The following SNTG1 variants were observed in gnomAD, a reference collection of about 807,000 sequenced individuals.
The protein encoded by SNTG1 is gamma-1-syntrophin.
SNTG1 carries 39 observed loss-of-function variants against 74.7 expected under a neutral mutation model. The observed-to-expected ratio is 0.52, with a 90% CI of 0.40 to 0.68. The LOEUF (loss-of-function observed/expected upper bound fraction) is 0.68, where lower values mean the gene tolerates loss of function less well. Among genes scored for constraint, SNTG1 ranks in the 30% least tolerant of loss-of-function variants. SNTG1 has a pLI of 0.00. For synonymous variants in SNTG1, 254 were observed against 217.1 expected, an observed-to-expected ratio of 1.17 and a Z score of -1.49; for missense variants, 685 against 609.5, an observed-to-expected ratio of 1.12 and a Z score of -1.30.
At chr8:50,388,827 C>T (rs2092613723) in intron 2 of SNTG1, among the ~76,000 whole-genome samples, 1 of 152,168 alleles carries the variant, frequency 6.6e-6, no homozygotes, top group Non-Finnish European at 1.5e-5. Context: ...AACTTCACAG[C>T]ACCACCTAGA....
At chr8:50,286,913 ACC>A (rs2130505716) in intron 2 of SNTG1, 1 of 152,280 alleles carries the variant, frequency 6.6e-6, no homozygotes, top group Non-Finnish European at 1.5e-5. Flanking sequence ...TGCCTTCATT[ACC>A]AGTCCTGTTG....
intron 13 of SNTG1, among the ~76,000 whole-genome samples, chr8:50,609,283 G>T (rs1478227714): frequency 6.6e-6 from 1 of 151,934 alleles, no homozygotes; most frequent in East Asian, 1.9e-4. Flanking sequence ...GTATTTTGTT[G>T]TTGCTTCTGA....
intron 1 of SNTG1, among the ~76,000 whole-genome samples, chr8:50,128,570 TC>T (rs2081217655): frequency 6.6e-6 from 1 of 152,122 alleles, no homozygotes; most frequent in South Asian, 2.1e-4. Flanking sequence ...TCCCAATACT[TC>T]ATCCTAGGTT....
chr8:50,624,521 G>T (rs1021971840), intron 13 of SNTG1, among the ~76,000 whole-genome samples: 2 of 152,024 alleles, frequency 1.3e-5, no homozygotes, highest in African/African-American at 4.8e-5. Flanking sequence ...AAATTCTCGA[G>T]AGAATGAAGC....
At chr8:50,655,299 G>C (rs1052889467) in intron 13 of SNTG1, among the ~76,000 whole-genome samples, 2 of 151,936 alleles carry the variant, frequency 1.3e-5, no homozygotes, top group Non-Finnish European at 2.9e-5. Flanking sequence ...TTTATGGGAT[G>C]GTTATCTATT....
intron 18 of SNTG1, among the ~76,000 whole-genome samples, chr8:50,766,223 T>C (rs2095613518): frequency 6.6e-6 from 1 of 152,004 alleles, no homozygotes; most frequent in Non-Finnish European, 1.5e-5. Context: ...CATTCATTCA[T>C]CAAAGTCAAA....
In SNTG1 at chr8:50,741,248, C is replaced by T. The variant is rs538819874; in HGVS notation, c.1285-10753C>T. 2.7e-3 allele frequency among the ~76,000 whole-genome samples: 404 copies of T among 152,120 alleles called. 1 individual carries two copies. The highest frequency in any genetic ancestry group is 4.4e-3 in the Non-Finnish European group (301 of 67,968). On this transcript the variant is annotated intron_variant, in intron 17 of 18. Coordinates refer to ENST00000642720, the MANE Select transcript of SNTG1 (RefSeq NM_018967.5). The stretch of plus-strand genomic sequence containing the variant: ...CAAGCAATTCTTCTTCCTCAGCCTC[C>T]TGAGGCTGGCATTACAGGTGTGTGC...
rs184103593 is a variant in SNTG1, at chr8:50,465,133, C to G, written c.363+14404C>G. 7.9e-5 allele frequency among the ~76,000 whole-genome samples: 12 copies of G among 152,232 alleles called. No individual in the cohort carries two copies. In the East Asian group the frequency reaches 1.2e-3, roughly 15 times the overall value. On this transcript the variant is annotated intron_variant, in intron 8 of 18. Transcript: ENST00000642720. Reference sequence around the variant, plus strand: ...AATATTAGCTACTCCTGAGTTTATACTGCTGTCTCTAACTCAACCCTTTAT... The same window carrying G: ...AATATTAGCTACTCCTGAGTTTATAGTGCTGTCTCTAACTCAACCCTTTAT...
At chr8:50,704,156 AT>A (rs1201936118) in intron 15 of SNTG1, among the ~76,000 whole-genome samples, 1 of 151,962 alleles carries the variant, frequency 6.6e-6, no homozygotes, top group African/African-American at 2.4e-5. Flanking sequence ...AATTAGACTC[AT>A]TTTCTTTTTC....
intron 2 of SNTG1, among the ~76,000 whole-genome samples, chr8:50,287,351 G>A (rs2088842704): frequency 6.6e-6 from 1 of 152,060 alleles, no homozygotes; most frequent in Non-Finnish European, 1.5e-5. Flanking sequence ...TTGTCTTTAT[G>A]AATAAAAACA....
At chr8:50,276,656 G>A (rs1053200541) in intron 2 of SNTG1, among the ~76,000 whole-genome samples, 5 of 151,632 alleles carry the variant, frequency 3.3e-5, no homozygotes, top group Admixed American at 6.6e-5. Flanking sequence ...AACAAGCACT[G>A]GTGTATTCAT....
chr8:50,261,504 T>C (rs1326547900), intron 2 of SNTG1, among the ~76,000 whole-genome samples: 1 of 152,152 alleles, frequency 6.6e-6, no homozygotes, highest in Non-Finnish European at 1.5e-5. Context: ...AAATTTTTTT[T>C]ATTCTTAGTT....
chr8:49,934,280 GATCTATCTATCTATCT>G (rs6150575), intron 1 of SNTG1, among the ~76,000 whole-genome samples: 3,121 of 146,492 alleles, frequency 0.021, 54 homozygotes, highest in Non-Finnish European at 0.028. Context: ...ATACTATATA[GATCTATCTATCTATCT>G]ATCTATCTAT....
chr8:50,292,761 T>G (rs2089178184), intron 2 of SNTG1, among the ~76,000 whole-genome samples: 1 of 152,148 alleles, frequency 6.6e-6, no homozygotes, highest in African/African-American at 2.4e-5. Flanking sequence ...TTTTGATATT[T>G]GGCAACAGAA....
rs766042552 is a variant in SNTG1, at chr8:50,361,974, G to A, written c.-27-32238G>A. Among the ~76,000 whole-genome samples the A allele has an allele frequency of 3.3e-5, 5 of 152,160 alleles. No homozygotes were observed. In the South Asian group the frequency reaches 8.3e-4, roughly 25 times the overall value. ...ATATAGAGCACTCATGCTGAGCAGA[G>A]TTTGCAGGACTAGAAGTGGCAATGG... On this transcript the variant is annotated intron_variant, in intron 2 of 18. Coordinates refer to ENST00000642720, the MANE Select transcript of SNTG1 (RefSeq NM_018967.5).
rs1469560142 is a variant in SNTG1 at position 50,795,256 on chromosome 8, A to G, written c.*2427A>G. On this transcript the variant is annotated 3_prime_UTR_variant, in exon 19 of 19. Transcript: ENST00000642720. ...GCCGTGATTTTTATTTAACATGATT[A>G]GTACAACAGCCAAAAAGTAACAAAA... 1.3e-5 allele frequency: 2 copies of G among 152,048 alleles called. No individual in the cohort carries two copies. Among genetic ancestry groups the G allele is most frequent in the African/African-American group, 4.8e-5 (2 of 41,434 alleles). The allele number at this position is 152,048 out of a possible 1,614,324, so 9.4% of individuals were successfully genotyped here.
At chr8:49,981,178 C>T (rs1340735345) in intron 1 of SNTG1, among the ~76,000 whole-genome samples, 1 of 152,128 alleles carries the variant, frequency 6.6e-6, no homozygotes, top group African/African-American at 2.4e-5. Context: ...GGGGAAGTAT[C>T]ACAGAACAGA....
chr8:50,452,405 T>G (rs2093465770), intron 8 of SNTG1, among the ~76,000 whole-genome samples: 1 of 152,258 alleles, frequency 6.6e-6, no homozygotes, highest in South Asian at 2.1e-4. Flanking sequence ...GCAAAGCTGC[T>G]TGTAACTTGA....
intron 2 of SNTG1, among the ~76,000 whole-genome samples, chr8:50,321,451 C>T (rs2090526015): frequency 6.6e-6 from 1 of 152,050 alleles, no homozygotes; most frequent in Admixed American, 6.6e-5. Flanking sequence ...TTCTTGTAGG[C>T]AACAGATTAT....
Sources: allele counts gnomAD v4.1 joint callset (sites outside exome capture counted in the v4.1 genomes callset), GRCh38; gene constraint gnomAD v4.1.1; transcripts MANE v1.5; gene names NCBI Gene and HGNC (gene_info 2026-07-23, HGNC 2026-07-21).